RNF152: variants seen among roughly 807,000 people sequenced by gnomAD.
RNF152 encodes E3 ubiquitin-protein ligase RNF152.
Under a neutral mutation model 12.7 loss-of-function variants are expected in RNF152, and 11 were observed. That is an observed-to-expected ratio of 0.86 (90% CI 0.54 to 1.43). RNF152 has a LOEUF of 1.43. RNF152 is among the 40% of genes most tolerant of loss of function. The pLI, the probability that RNF152 is intolerant of heterozygous loss-of-function variation, is 0.00. For missense variants in RNF152, 255 were observed against 274.8 expected, an observed-to-expected ratio of 0.93 and a Z score of 0.51; for synonymous variants, 113 against 120.3, an observed-to-expected ratio of 0.94 and a Z score of 0.40.
In RNF152 at chr18:61,828,075, C is replaced by T. The variant is rs968267097; in HGVS notation, c.-135-11477G>A. Among the ~76,000 whole-genome samples, 46 of 152,212 alleles carry T rather than the reference C, an allele frequency of 3.0e-4. 2 individuals carry two copies. The highest frequency in any genetic ancestry group is 6.5e-5 in the Admixed American group (1 of 15,282). On this transcript the variant is annotated intron_variant, in intron 1 of 1. Coordinates refer to ENST00000312828, the MANE Select transcript of RNF152 (RefSeq NM_173557.3). ...CACATATGTTCAGTGTACAGTTCAA[C>T]CAGTTTTGACAAATGTACTCACCTG...
At chr18:61,887,844 G>A (rs187955771) in intron 1 of RNF152, among the ~76,000 whole-genome samples, 8 of 152,236 alleles carry the variant, frequency 5.3e-5, no homozygotes, top group South Asian at 2.1e-4. Context: ...GAACTGAGCC[G>A]GGAAAGTTAC....
intron 1 of RNF152, among the ~76,000 whole-genome samples, chr18:61,837,341 A>T (rs951471876): frequency 5.3e-5 from 8 of 152,258 alleles, no homozygotes; most frequent in Non-Finnish European, 1.0e-4. Flanking sequence ...GATACAAGGC[A>T]TTTTAAAATA....
intron 1 of RNF152, among the ~76,000 whole-genome samples, chr18:61,861,446 G>A (rs1463786266): frequency 6.6e-6 from 1 of 152,082 alleles, no homozygotes; most frequent in Non-Finnish European, 1.5e-5. Context: ...TATGTGTACT[G>A]GGCTACACCA....
chr18:61,877,075 C>G (rs887912963), intron 1 of RNF152, among the ~76,000 whole-genome samples: 1 of 152,166 alleles, frequency 6.6e-6, no homozygotes, highest in Non-Finnish European at 1.5e-5. Flanking sequence ...AACAGGCACA[C>G]AGACCACTGA....
At chr18:61,840,607 G>A (rs1043429766) in intron 1 of RNF152, among the ~76,000 whole-genome samples, 59 of 152,082 alleles carry the variant, frequency 3.9e-4, no homozygotes, top group Admixed American at 3.7e-3. Context: ...CTGGGTCCCA[G>A]GGAGCCTGAG....
chr18:61,837,786 T>G (rs1448729329), intron 1 of RNF152, among the ~76,000 whole-genome samples: 2 of 152,240 alleles, frequency 1.3e-5, no homozygotes, highest in Admixed American at 6.5e-5. Flanking sequence ...CCTAACTTAG[T>G]GCTGTTCTTG....
At chr18:61,846,908 T>C (rs1232812059) in intron 1 of RNF152, among the ~76,000 whole-genome samples, 2 of 152,204 alleles carry the variant, frequency 1.3e-5, no homozygotes, top group Non-Finnish European at 2.9e-5. Flanking sequence ...TCCCAACTCT[T>C]GTCACCAATT....
At chr18:61,877,395 T>C (rs1489478616) in intron 1 of RNF152, among the ~76,000 whole-genome samples, 1 of 152,230 alleles carries the variant, frequency 6.6e-6, no homozygotes, top group African/African-American at 2.4e-5. Context: ...TATTATACAG[T>C]GATTTATTTA....
At chr18:61,847,769 C>G (rs1910800539) in intron 1 of RNF152, among the ~76,000 whole-genome samples, 1 of 152,114 alleles carries the variant, frequency 6.6e-6, no homozygotes. Flanking sequence ...CAAACCTGCT[C>G]TACCCACAGT....
chr18:61,866,761 T>C (rs1165094163), intron 1 of RNF152, among the ~76,000 whole-genome samples: 1 of 152,208 alleles, frequency 6.6e-6, no homozygotes, highest in Non-Finnish European at 1.5e-5. Context: ...GGGTGTGACC[T>C]CAAAGCAGCA....
Position 61,820,016 on chromosome 18 carries a change from A to T in RNF152, c.-135-3418T>A, listed in dbSNP as rs866112851. ...AGCCTGAATGACAGAGTGGGACACT[A>T]TCTCAAAAAAAAAAAAAAAAAAAAA... On this transcript the variant is annotated intron_variant, in intron 1 of 1. Transcript: ENST00000312828. Among the ~76,000 whole-genome samples the T allele has an allele frequency of 5.4e-4, 52 of 96,570 alleles. 1 individual carries two copies. The highest frequency in any genetic ancestry group is 2.0e-3 in the African/African-American group (50 of 24,438). The allele number at this position is 96,570 out of a possible 152,430, so 63.4% of individuals were successfully genotyped here. A position where few individuals can be genotyped will look rare whatever the true frequency, so the allele number is the denominator to read the frequency against.
At chr18:61,836,252 C>T (rs887988493) in intron 1 of RNF152, among the ~76,000 whole-genome samples, 5 of 151,662 alleles carry the variant, frequency 3.3e-5, no homozygotes, top group Admixed American at 6.6e-5. Context: ...GGGGACATGT[C>T]AAAAGGCCCC....
At position 61,858,832 on chromosome 18, in the gene RNF152, A is replaced by G. The variant is rs1258776180; in HGVS notation, c.-136+33963T>C. 6.6e-5 allele frequency among the ~76,000 whole-genome samples: 10 copies of G among 152,102 alleles called. No individual in the cohort carries two copies. In the East Asian group the frequency reaches 1.7e-3, roughly 26 times the overall value. ...ACATCATGATGCAGCAAATTTCACTATTTTCACAAAAACAGAGATCCCGTT... is the reference window on the plus strand; with the variant it reads ...ACATCATGATGCAGCAAATTTCACTGTTTTCACAAAAACAGAGATCCCGTT... On this transcript the variant is annotated intron_variant, in intron 1 of 1. Transcript: ENST00000312828.
At chr18:61,829,856 G>A (rs1049033969) in intron 1 of RNF152, among the ~76,000 whole-genome samples, 3 of 152,122 alleles carry the variant, frequency 2.0e-5, no homozygotes, top group Non-Finnish European at 2.9e-5. Context: ...GTTTTGTCTT[G>A]TAGGCTGTGG....
chr18:61,844,008 G>A (rs934382207), intron 1 of RNF152, among the ~76,000 whole-genome samples: 3 of 137,656 alleles, frequency 2.2e-5, no homozygotes, highest in Non-Finnish European at 4.7e-5. Context: ...AAGCAGATAA[G>A]GAGAATGAGA....
chr18:61,871,820 T>C (rs1280911399), intron 1 of RNF152, among the ~76,000 whole-genome samples: 1 of 152,124 alleles, frequency 6.6e-6, no homozygotes, highest in East Asian at 1.9e-4. Flanking sequence ...AACTATAAAA[T>C]AAGAGCAATT....
At chr18:61,837,485 T>C (rs1910240617) in intron 1 of RNF152, among the ~76,000 whole-genome samples, 1 of 152,258 alleles carries the variant, frequency 6.6e-6, no homozygotes, top group South Asian at 2.1e-4. Context: ...TCATGATGTC[T>C]GCCAATAAGA....
At chr18:61,878,155 G>A (rs1912299484) in intron 1 of RNF152, among the ~76,000 whole-genome samples, 1 of 152,174 alleles carries the variant, frequency 6.6e-6, no homozygotes, top group South Asian at 2.1e-4. Context: ...GCCCCACCTA[G>A]GTACAGAAAG....
intron 1 of RNF152, among the ~76,000 whole-genome samples, chr18:61,867,375 C>G (rs1911782734): frequency 6.6e-6 from 1 of 151,844 alleles, no homozygotes; most frequent in South Asian, 2.1e-4. Flanking sequence ...TCACTTGAAC[C>G]TGGGAGGCAG....
Sources: gnomAD v4.1 joint callset for allele counts (sites outside exome capture counted in the v4.1 genomes callset) on GRCh38, gnomAD v4.1.1 for gene constraint, MANE v1.5 for transcripts, NCBI Gene and HGNC (gene_info 2026-07-23, HGNC 2026-07-21) for gene names.